Variants in NEK6 observed in about 807,000 individuals in gnomAD.
The protein encoded by NEK6 is serine/threonine-protein kinase Nek6.
Under a neutral mutation model 43.5 loss-of-function variants are expected in NEK6, and 27 were observed. The observed-to-expected ratio is 0.62, with a 90% CI of 0.46 to 0.86. The LOEUF (loss-of-function observed/expected upper bound fraction) is 0.86, where lower values mean the gene tolerates loss of function less well. Ranked by LOEUF, NEK6 falls within the 40% of genes least tolerant of loss-of-function variation. The pLI, the probability that NEK6 is intolerant of heterozygous loss-of-function variation, is 0.00. For missense variants in NEK6, 318 were observed against 414.4 expected (o/e 0.77, Z 2.02); for synonymous variants, 167 against 164.1 (o/e 1.02, Z -0.14).
chr9:124,349,029 C>G (rs1830112555), intron 9 of NEK6, among the ~76,000 whole-genome samples: 1 of 152,254 alleles, frequency 6.6e-6, no homozygotes, highest in African/African-American at 2.4e-5. Flanking sequence ...CCCGGCCAAA[C>G]TGCACAGGGC....
intron 1 of NEK6, among the ~76,000 whole-genome samples, chr9:124,273,211 A>G (rs996934321): frequency 3.9e-5 from 6 of 152,174 alleles, no homozygotes; most frequent in Admixed American, 3.9e-4. Context: ...TGCCAAGGTC[A>G]CACAGCCCCG....
At chr9:124,307,702 C>T (rs546725635) in intron 2 of NEK6, among the ~76,000 whole-genome samples, 3 of 152,306 alleles carry the variant, frequency 2.0e-5, no homozygotes, top group South Asian at 2.1e-4. Flanking sequence ...TGCCCCACAG[C>T]GCAGCCCTGG....
intron 1 of NEK6, among the ~76,000 whole-genome samples, chr9:124,266,128 G>A (rs1831217942): frequency 6.6e-6 from 1 of 152,214 alleles, no homozygotes; most frequent in Non-Finnish European, 1.5e-5. Flanking sequence ...TAGACCCCAA[G>A]GTGGAGAGGC....
At chr9:124,292,888 A>G (rs960395019) in intron 1 of NEK6, 10 of 1,478,432 alleles carry the variant, frequency 6.8e-6, no homozygotes, top group Non-Finnish European at 9.0e-6. Context: ...ACGGGGGAGC[A>G]GGCTGTGGAG....
At chr9:124,332,798 C>T (rs1348308906) in intron 7 of NEK6, among the ~76,000 whole-genome samples, 1 of 152,184 alleles carries the variant, frequency 6.6e-6, no homozygotes, top group Non-Finnish European at 1.5e-5. Flanking sequence ...TCAGATCCCG[C>T]ATTCTCCTCT....
intron 5 of NEK6, among the ~76,000 whole-genome samples, chr9:124,325,465 G>A (rs1004247998): frequency 3.3e-5 from 5 of 152,206 alleles, no homozygotes; most frequent in East Asian, 1.9e-4. Flanking sequence ...CCACAGCGCC[G>A]CCTCTGCCTG....
intron 8 of NEK6, among the ~76,000 whole-genome samples, chr9:124,345,968 C>T (rs1009409075): frequency 6.6e-6 from 1 of 152,230 alleles, no homozygotes; most frequent in Non-Finnish European, 1.5e-5. Flanking sequence ...GGCAGGGCCT[C>T]TGCATCCTCA....
rs545452702 is a variant in NEK6, at chr9:124,348,012, C to T, written c.831+190C>T. Among the ~76,000 whole-genome samples, 42 of 152,346 alleles carry T rather than the reference C, an allele frequency of 2.8e-4. 4 individuals are homozygous for T. Among genetic ancestry groups the T allele is most frequent in the South Asian group, 2.5e-3 (12 of 4,832 alleles). On this transcript the variant is annotated intron_variant, in intron 9 of 9. Coordinates refer to ENST00000320246, the MANE Select transcript of NEK6 (RefSeq NM_014397.6). ...TTGCACTGAAGAAGGGGTTTCACCA[C>T]GCAGCTCCAGTGTGGGACCCCCAGG...
intron 1 of NEK6, among the ~76,000 whole-genome samples, chr9:124,285,290 C>G (rs1381211556): frequency 6.6e-6 from 1 of 152,120 alleles, no homozygotes; most frequent in Non-Finnish European, 1.5e-5. Flanking sequence ...GTTGGTAGCA[C>G]CGTTTCCACA....
At chr9:124,349,434 T>C (rs1320528984) in intron 9 of NEK6, among the ~76,000 whole-genome samples, 1 of 152,140 alleles carries the variant, frequency 6.6e-6, no homozygotes, top group Non-Finnish European at 1.5e-5. Context: ...GAAATGAACA[T>C]TGAAGCCCCT....
chr9:124,266,367 G>T (rs540945361), intron 1 of NEK6, among the ~76,000 whole-genome samples: 1 of 152,194 alleles, frequency 6.6e-6, no homozygotes, highest in Non-Finnish European at 1.5e-5. Context: ...AGGATCTGTG[G>T]TGCTTGACGA....
In NEK6 at chr9:124,312,668, G is replaced by A. The variant is rs375367306; in HGVS notation, c.231+19G>A. Reference sequence around the variant, plus strand: ...GGTGCAGGTGAGCTGACAACCCGTGGGGTCAAACCTGCATCTCGGGAGGTG... The same window carrying A: ...GGTGCAGGTGAGCTGACAACCCGTGAGGTCAAACCTGCATCTCGGGAGGTG... On this transcript the variant is annotated intron_variant, in intron 3 of 9. Coordinates refer to ENST00000320246, the MANE Select transcript of NEK6 (RefSeq NM_014397.6). The A allele has an allele frequency of 6.2e-7, 1 of 1,600,340 alleles. No homozygotes were observed. Among genetic ancestry groups the A allele is most frequent in the Non-Finnish European group, 8.6e-7 (1 of 1,169,568 alleles).
At chr9:124,305,125 C>T (rs138697659) in intron 2 of NEK6, among the ~76,000 whole-genome samples, 203 of 152,286 alleles carry the variant, frequency 1.3e-3, no homozygotes, top group African/African-American at 4.6e-3. Flanking sequence ...GGTGCTCTTC[C>T]GAGAGAACTT....
chr9:124,326,414 C>A lies in NEK6; in HGVS notation c.490C>A (p.His164Asn). The A allele has an allele frequency of 6.2e-7, 1 of 1,609,714 alleles. No individual in the cohort carries two copies. Among genetic ancestry groups the A allele is most frequent in the South Asian group, 1.1e-5 (1 of 91,076 alleles). ...VQLCSAVEHMHSRRVMHRDIK... is the reference protein window; with the variant it reads ...VQLCSAVEHMNSRRVMHRDIK... Reference sequence around the variant, plus strand: ...GCTGTGCAGCGCCGTGGAGCACATGCATTCACGCCGGGTGATGCACCGAGG... The same window carrying A: ...GCTGTGCAGCGCCGTGGAGCACATGAATTCACGCCGGGTGATGCACCGAGG... The change falls in exon 6 of 10, where the codon CAT becomes AAT. Residue 164 changes from histidine (H) to asparagine (N), a missense_variant. His to Asn is a moderately conservative substitution (Grantham distance 68). Coordinates refer to ENST00000320246, the MANE Select transcript of NEK6 (RefSeq NM_014397.6). This position sits in a 1 kb window ranked among gnomAD's most constrained non-coding sequence, Gnocchi z 4.5.
intron 8 of NEK6, among the ~76,000 whole-genome samples, chr9:124,344,152 C>T (rs1159885510): frequency 1.3e-5 from 2 of 152,194 alleles, no homozygotes; most frequent in Non-Finnish European, 2.9e-5. Flanking sequence ...TCTTCTGTGC[C>T]CTTCTCTCTC....
Position 124,353,294 on chromosome 9 carries a change from C to CT in NEK6, c.*2348dup. The CT allele has an allele frequency of 2.6e-6, 1 of 390,182 alleles. No homozygotes were observed. Among genetic ancestry groups the CT allele is most frequent in the Non-Finnish European group, 4.6e-6 (1 of 216,380 alleles). 24.2% of individuals were successfully genotyped at this position (390,182 alleles called of 1,614,324 possible). The stretch of plus-strand genomic sequence containing the variant: ...ACCTGAAGCCTCAAGGGAGTCCACT[C>CT]TGACTTCTGACAGCAGACAGAACCT... On this transcript the variant is annotated 3_prime_UTR_variant, in exon 10 of 10. Coordinates refer to ENST00000320246, the MANE Select transcript of NEK6 (RefSeq NM_014397.6).
intron 6 of NEK6, 73 bp from the exon 7 acceptor site, chr9:124,327,265 C>A: frequency 2.4e-6 from 3 of 1,241,700 alleles, no homozygotes; most frequent in South Asian, 1.2e-5. Context: ...ACCTTCCTCC[C>A]CCTTCCTCTC....
chr9:124,295,785 C>T (rs747495067), intron 1 of NEK6, among the ~76,000 whole-genome samples: 3 of 152,212 alleles, frequency 2.0e-5, no homozygotes, highest in Non-Finnish European at 2.9e-5. Context: ...CGTGGCATTC[C>T]TTACAGCCCC....
rs767909457 is a variant in NEK6, at chr9:124,327,333, T to G, written c.515-5T>G. On this transcript the variant is annotated splice_polypyrimidine_tract_variant and splice_region_variant and intron_variant, in intron 6 of 9. Coordinates refer to ENST00000320246, the MANE Select transcript of NEK6 (RefSeq NM_014397.6). ...CACACCAATCTCCTTCTCCTCGCCC[T>G]GCAGACATCAAGCCTGCCAACGTGT... The G allele has an allele frequency of 6.2e-7, 1 of 1,612,940 alleles. No individual in the cohort carries two copies. Among genetic ancestry groups the G allele is most frequent in the Non-Finnish European group, 8.5e-7 (1 of 1,179,192 alleles).
Sources: allele counts gnomAD v4.1 joint callset (sites outside exome capture counted in the v4.1 genomes callset), GRCh38; gene constraint gnomAD v4.1.1; non-coding constraint Gnocchi (gnomAD v3.1); transcripts MANE v1.5; gene names NCBI Gene and HGNC (gene_info 2026-07-23, HGNC 2026-07-21).